Variants in CSRNP3 observed in about 807,000 individuals in gnomAD.
The protein encoded by CSRNP3 is cysteine/serine-rich nuclear protein 3.
CSRNP3 carries 12 observed loss-of-function variants against 48.0 expected under a neutral mutation model. The observed-to-expected ratio is 0.25, with a 90% CI of 0.16 to 0.41. The LOEUF is 0.41. CSRNP3 is among the 10% of genes least tolerant of loss of function. CSRNP3 has a pLI of 1.00. For synonymous variants in CSRNP3, 263 were observed against 269.7 expected (o/e 0.98, Z 0.24); for missense variants, 580 against 724.4 (o/e 0.80, Z 2.29).
chr2:165,635,695 A>G (rs1686615641), intron 4 of CSRNP3, among the ~76,000 whole-genome samples: 1 of 152,142 alleles, frequency 6.6e-6, no homozygotes, highest in African/African-American at 2.4e-5. Flanking sequence ...ACCAGTCTAG[A>G]CTTGTTTAGT....
rs1038265274 is a variant in CSRNP3, at chr2:165,592,138, A to G, written c.-23-2905A>G. Reference sequence around the variant, plus strand: ...CATCAGCATGCCCTGGATGTGAGACATGGAGTCAAATGAGATCATTTTGGA... The same window carrying G: ...CATCAGCATGCCCTGGATGTGAGACGTGGAGTCAAATGAGATCATTTTGGA... On this transcript the variant is annotated intron_variant, in intron 3 of 6. Coordinates refer to ENST00000651982, the MANE Select transcript of CSRNP3 (RefSeq NM_001172173.2). Among the ~76,000 whole-genome samples, 4 of 152,344 alleles carry G rather than the reference A, an allele frequency of 2.6e-5. 1 individual carries two copies. Among genetic ancestry groups the G allele is most frequent in the African/African-American group, 7.2e-5 (3 of 41,582 alleles).
At chr2:165,502,823 C>A (rs1322901615) in intron 2 of CSRNP3, among the ~76,000 whole-genome samples, 2 of 151,956 alleles carry the variant, frequency 1.3e-5, no homozygotes, top group Non-Finnish European at 2.9e-5. Flanking sequence ...TAGACCCACA[C>A]ACATACATAC....
chr2:165,614,186 T>A (rs925466921), intron 4 of CSRNP3, among the ~76,000 whole-genome samples: 1 of 152,164 alleles, frequency 6.6e-6, no homozygotes, highest in African/African-American at 2.4e-5. Context: ...AGGTTTTTTT[T>A]ATTTGTAGCT....
intron 3 of CSRNP3, among the ~76,000 whole-genome samples, chr2:165,573,384 A>T (rs953311384): frequency 6.6e-6 from 1 of 152,214 alleles, no homozygotes; most frequent in Non-Finnish European, 1.5e-5. Context: ...TACACACATG[A>T]CTTTTTCTAT....
intron 4 of CSRNP3, among the ~76,000 whole-genome samples, chr2:165,655,741 C>T (rs1310398129): frequency 6.6e-6 from 1 of 152,158 alleles, no homozygotes; most frequent in African/African-American, 2.4e-5. Context: ...TGGTAGCCCC[C>T]GACATTCTTG....
chr2:165,497,036 T>G (rs1036225368), intron 2 of CSRNP3, among the ~76,000 whole-genome samples: 2 of 151,994 alleles, frequency 1.3e-5, no homozygotes, highest in Non-Finnish European at 2.9e-5. Context: ...GTTTGAAAAA[T>G]TATAGGTCAG....
In CSRNP3 at chr2:165,666,064, AAGAAAGAG is replaced by A. The variant is rs1298491907; in HGVS notation, c.408+8048_408+8055del. Among the ~76,000 whole-genome samples the A allele has an allele frequency of 6.4e-5, 3 of 46,722 alleles. 1 individual carries two copies. Among genetic ancestry groups the A allele is most frequent in the Non-Finnish European group, 2.0e-4 (3 of 15,028 alleles). The allele number at this position is 46,722 out of a possible 152,430, so 30.7% of individuals were successfully genotyped here. On this transcript the variant is annotated intron_variant, in intron 5 of 6. Coordinates refer to ENST00000651982, the MANE Select transcript of CSRNP3 (RefSeq NM_001172173.2). ...GGAAGGAAGGAAAGAGAGAGGAAGA[AAGAAAGAG>A]AGAGAGAGAAAGGAAGGAAGGAGAG...
intron 3 of CSRNP3, among the ~76,000 whole-genome samples, chr2:165,539,784 A>G (rs1156647051): frequency 2.0e-5 from 3 of 152,086 alleles, no homozygotes; most frequent in Non-Finnish European, 2.9e-5. Flanking sequence ...TCGCTGGTAT[A>G]AAAGTGGTGT....
chr2:165,663,144 G>C (rs1687124414), intron 5 of CSRNP3, among the ~76,000 whole-genome samples: 1 of 152,158 alleles, frequency 6.6e-6, no homozygotes, highest in African/African-American at 2.4e-5. Context: ...TTATCTTCCA[G>C]ATAAGGGCCT....
intron 1 of CSRNP3, among the ~76,000 whole-genome samples, chr2:165,475,211 T>C (rs1400825052): frequency 4.6e-5 from 7 of 152,148 alleles, no homozygotes; most frequent in Admixed American, 4.6e-4. Flanking sequence ...GACGTCTTTG[T>C]TCTGTCTAAT....
chr2:165,662,264 G>A (rs1017535130), intron 5 of CSRNP3, among the ~76,000 whole-genome samples: 6 of 151,148 alleles, frequency 4.0e-5, no homozygotes, highest in African/African-American at 1.5e-4. Context: ...TATGATTTTA[G>A]ATCTATCAAA....
At chr2:165,531,743 C>A (rs572934735) in intron 3 of CSRNP3, among the ~76,000 whole-genome samples, 1 of 152,186 alleles carries the variant, frequency 6.6e-6, no homozygotes, top group African/African-American at 2.4e-5. Context: ...ACACAAAAAA[C>A]CCTTCAAAAA....
intron 4 of CSRNP3, among the ~76,000 whole-genome samples, chr2:165,648,316 T>C (rs892594728): frequency 4.6e-5 from 7 of 152,172 alleles, no homozygotes; most frequent in Non-Finnish European, 2.9e-5. Context: ...TAATTTAATC[T>C]AAACTTTTAG....
At chr2:165,675,140 T>C (rs1375356170) in intron 5 of CSRNP3, among the ~76,000 whole-genome samples, 7 of 152,156 alleles carry the variant, frequency 4.6e-5, no homozygotes, top group Admixed American at 4.6e-4. Flanking sequence ...GTTTGAGGAT[T>C]TTTTCTAATA....
At chr2:165,472,830 C>T (rs904579491) in intron 1 of CSRNP3, among the ~76,000 whole-genome samples, 1 of 152,052 alleles carries the variant, frequency 6.6e-6, no homozygotes, top group African/African-American at 2.4e-5. Context: ...CATGCTTAAA[C>T]TACGTGTTAA....
chr2:165,550,530 C>G (rs1329176561), intron 3 of CSRNP3, among the ~76,000 whole-genome samples: 1 of 152,182 alleles, frequency 6.6e-6, no homozygotes, highest in Non-Finnish European at 1.5e-5. Flanking sequence ...TTATGTTTCA[C>G]ATAAATGTGA....
chr2:165,524,487 T>C (rs983822036), intron 3 of CSRNP3, among the ~76,000 whole-genome samples: 1 of 152,160 alleles, frequency 6.6e-6, no homozygotes, highest in Non-Finnish European at 1.5e-5. Context: ...AACAGTAAAA[T>C]TCACACTTCT....
chr2:165,559,802 T>C (rs1163539176), intron 3 of CSRNP3, among the ~76,000 whole-genome samples: 8 of 137,806 alleles, frequency 5.8e-5, no homozygotes, highest in African/African-American at 1.9e-4. Flanking sequence ...CTTTCTTTTT[T>C]TTTTTTTTTT....
intron 4 of CSRNP3, among the ~76,000 whole-genome samples, chr2:165,601,644 C>G (rs1558946956): frequency 1.3e-5 from 2 of 150,988 alleles, no homozygotes; most frequent in Admixed American, 6.6e-5. Flanking sequence ...CTGTTTGCTT[C>G]CTTCCTTCCT....
Sources: allele counts gnomAD v4.1 joint callset (sites outside exome capture counted in the v4.1 genomes callset), GRCh38; gene constraint gnomAD v4.1.1; transcripts MANE v1.5; gene names NCBI Gene and HGNC (gene_info 2026-07-23, HGNC 2026-07-21).